Variants in CEP76 observed in about 807,000 individuals in gnomAD.
CEP76 encodes the protein centrosomal protein of 76 kDa.
Under a neutral mutation model 83.3 loss-of-function variants are expected in CEP76, and 55 were observed. The ratio of observed to expected loss-of-function variants is 0.66; its 90% confidence interval spans 0.53 to 0.83. The LOEUF is 0.83. Among genes scored for constraint, CEP76 ranks in the 40% least tolerant of loss-of-function variants. The pLI, the probability that CEP76 is intolerant of heterozygous loss-of-function variation, is 0.00. For missense variants in CEP76, 694 were observed against 799.5 expected (o/e 0.87, Z 1.59); for synonymous variants, 270 against 274.5 (o/e 0.98, Z 0.16).
chr18:12,691,962 G>A (rs1475213127), intron 6 of CEP76, among the ~76,000 whole-genome samples: 1 of 151,892 alleles, frequency 6.6e-6, no homozygotes, highest in African/African-American at 2.4e-5. Context: ...CTCATGATCC[G>A]CCCGCCTTGG....
chr18:12,690,721 C>T (rs2039724291), intron 7 of CEP76, among the ~76,000 whole-genome samples: 1 of 152,154 alleles, frequency 6.6e-6, no homozygotes. Flanking sequence ...TCCCCAAGTG[C>T]TGGGATTACA....
intron 4 of CEP76, among the ~76,000 whole-genome samples, chr18:12,698,149 CTTTTTA>C (rs968812099): frequency 6.7e-6 from 1 of 149,220 alleles, no homozygotes; most frequent in Non-Finnish European, 1.5e-5. Context: ...CTAAATTTGA[CTTTTTA>C]TTTTATTTAT....
At chr18:12,688,923 G>T (rs2039646241) in intron 7 of CEP76, among the ~76,000 whole-genome samples, 1 of 152,006 alleles carries the variant, frequency 6.6e-6, no homozygotes, top group Non-Finnish European at 1.5e-5. Context: ...GACCATCCTG[G>T]CTAACACAGT....
intron 12 of CEP76, among the ~76,000 whole-genome samples, chr18:12,664,460 G>A (rs2038762903): frequency 6.6e-6 from 1 of 151,908 alleles, no homozygotes; most frequent in African/African-American, 2.4e-5. Flanking sequence ...TGAGGCAGGA[G>A]AATTGCTTGA....
chr18:12,682,298 C>G (rs2039380134), intron 8 of CEP76, among the ~76,000 whole-genome samples: 1 of 151,970 alleles, frequency 6.6e-6, no homozygotes, highest in Non-Finnish European at 1.5e-5. Context: ...CAAGTGATTC[C>G]CCCGCCTCAG....
At position 12,678,216 on chromosome 18, in the gene CEP76, T is replaced by C; in HGVS notation, c.1516A>G (p.Thr506Ala). ...IKSVCAPGAT[T>A]SLPPFPPLCA... ...AGAGGTGGAAAGGGAGGAAGGGATGTTGTAGCTCCAGGAGCACACACAGAT... is the reference window on the plus strand; with the variant it reads ...AGAGGTGGAAAGGGAGGAAGGGATGCTGTAGCTCCAGGAGCACACACAGAT... Residue 506 changes from threonine to alanine, a missense_variant, in exon 10 of 12, where the codon ACA (threonine) becomes GCA (alanine). By Grantham distance (58) the Thr-to-Ala change is moderately conservative. Transcript: ENST00000262127. The C allele has an allele frequency of 6.2e-7, 1 of 1,614,176 alleles. No homozygotes were observed. The highest frequency in any genetic ancestry group is 8.5e-7 in the Non-Finnish European group (1 of 1,180,006).
At chr18:12,681,350 G>C (rs909143769) in intron 8 of CEP76, among the ~76,000 whole-genome samples, 2 of 148,160 alleles carry the variant, frequency 1.3e-5, no homozygotes, top group African/African-American at 5.0e-5. Flanking sequence ...GGGCTTAAGT[G>C]ATTTCCCCAT....
intron 5 of CEP76, 74 bp from the exon 6 acceptor site, chr18:12,695,425 A>C: frequency 1.7e-6 from 1 of 588,464 alleles, no homozygotes; most frequent in East Asian, 3.1e-5. Flanking sequence ...TCTAACCAAA[A>C]TAATTTAGGC....
downstream of CEP76, among the ~76,000 whole-genome samples, chr18:12,667,976 T>G (rs1338957911): frequency 6.7e-6 from 1 of 149,886 alleles, no homozygotes; most frequent in East Asian, 2.0e-4. Flanking sequence ...ACATTAAATG[T>G]GAATGGGGCT....
downstream of CEP76, chr18:12,670,667 T>A (rs138009060): frequency 1.5e-5 from 1 of 67,906 alleles, no homozygotes; most frequent in African/African-American, 6.2e-5. Context: ...TTAACTTTTT[T>A]AAAAAGTTTT....
In CEP76 at chr18:12,701,050, C is replaced by A; in HGVS notation, c.127G>T (p.Asp43Tyr). The change falls in exon 2 of 12, where the codon GAT (aspartate) becomes TAT (tyrosine). Residue 43 changes from aspartate (D) to tyrosine (Y), a missense_variant. Coordinates refer to ENST00000262127, the MANE Select transcript of CEP76 (RefSeq NM_024899.4). ...TCTTCTGTTGATAAATGCTGTTGAT[C>A]AGGTGCCAATTCTTCCCGTATAGTC... Reference protein sequence around the residue: ...AETIREELAPDQQHLSTEDLI... With the variant: ...AETIREELAPYQQHLSTEDLI... 6.2e-7 allele frequency: 1 copy of A among 1,613,660 alleles called. No individual in the cohort carries two copies. Among genetic ancestry groups the A allele is most frequent in the Non-Finnish European group, 8.5e-7 (1 of 1,179,652 alleles).
At chr18:12,691,709 ATT>A (rs537984227) in intron 6 of CEP76, among the ~76,000 whole-genome samples, 14 of 140,250 alleles carry the variant, frequency 1.0e-4, no homozygotes, top group Admixed American at 2.2e-4. Context: ...CAAAGACAGA[ATT>A]TTTTTTTTTT....
chr18:12,693,430 A>T (rs2039837447), intron 6 of CEP76, among the ~76,000 whole-genome samples: 1 of 151,956 alleles, frequency 6.6e-6, no homozygotes, highest in African/African-American at 2.4e-5. Flanking sequence ...TAAAAAAATA[A>T]AATTTAATTA....
At chr18:12,683,186 C>CAAAAAAAAAAAAAAAAAAAAAAAAAA (rs765652085) in intron 8 of CEP76, among the ~76,000 whole-genome samples, 17 of 63,674 alleles carry the variant, frequency 2.7e-4, no homozygotes, top group Middle Eastern at 0.014. Context: ...CTAAAAATAC[C>CAAAAAAAAAAAAAAAAAAAAAAAAAA]AAAAAAAAAA....
intron 4 of CEP76, among the ~76,000 whole-genome samples, chr18:12,698,282 G>A (rs2040031129): frequency 6.6e-6 from 1 of 151,906 alleles, no homozygotes; most frequent in Admixed American, 6.6e-5. Context: ...AGGCTGGAGT[G>A]CAATGGGGTG....
Position 12,678,201 on chromosome 18 carries a change from A to T in CEP76, c.1531T>A (p.Phe511Ile), listed in dbSNP as rs370376860. ...ATTGTGGATGCACACAGAGGTGGAA[A>T]GGGAGGAAGGGATGTTGTAGCTCCA... ...APGATTSLPPFPPLCASTIDA... is the reference protein window; with the variant it reads ...APGATTSLPPIPPLCASTIDA... Residue 511 changes from phenylalanine (F) to isoleucine (I), a missense_variant, in exon 10 of 12, where the codon TTT becomes ATT. Physicochemically the swap from Phe to Ile is conservative, Grantham distance 21. Transcript: ENST00000262127. The T allele has an allele frequency of 5.2e-5, 84 of 1,614,058 alleles. No homozygotes were observed. Among genetic ancestry groups the T allele is most frequent in the Non-Finnish European group, 6.9e-5 (81 of 1,180,012 alleles).
At chr18:12,664,170 G>GA (rs1020884864) in intron 12 of CEP76, among the ~76,000 whole-genome samples, 4 of 127,190 alleles carry the variant, frequency 3.1e-5, no homozygotes, top group East Asian at 2.2e-4. Flanking sequence ...CATCTCAAAA[G>GA]AAAAAAGAGT....
In CEP76 at chr18:12,689,396, CAG is replaced by C. The variant is rs935845852; in HGVS notation, c.933+1961_933+1962del. ...CACCAGTTGAAACTCCAATTTGACA[CAG>C]ACTTTGCCATGACTGAGTTGCTGTT... is the stretch of plus-strand genomic sequence containing the variant. On this transcript the variant is annotated intron_variant, in intron 7 of 11. Coordinates refer to ENST00000262127, the MANE Select transcript of CEP76 (RefSeq NM_024899.4). Among the ~76,000 whole-genome samples the C allele has an allele frequency of 7.2e-5, 11 of 152,284 alleles. No individual in the cohort carries two copies. The East Asian group carries it at 2.1e-3, about 29-fold the overall frequency.
At chr18:12,668,166 G>C (rs1052734990), downstream of CEP76, among the ~76,000 whole-genome samples, 2 of 152,080 alleles carry the variant, frequency 1.3e-5, no homozygotes, top group African/African-American at 2.4e-5. Context: ...TTGGGAGGCT[G>C]AGGCAGGAAA....
Sources: gnomAD v4.1 joint callset for allele counts (sites outside exome capture counted in the v4.1 genomes callset) on GRCh38, gnomAD v4.1.1 for gene constraint, MANE v1.5 for transcripts, NCBI Gene and HGNC (gene_info 2026-07-23, HGNC 2026-07-21) for gene names.